MYRIP: variants seen among roughly 807,000 people sequenced by gnomAD.
MYRIP encodes the protein rab effector MyRIP.
MYRIP carries 49 observed loss-of-function variants against 98.0 expected under a neutral mutation model. That is an observed-to-expected ratio of 0.50 (90% CI 0.40 to 0.63). The LOEUF is 0.63. Ranked by LOEUF, MYRIP falls within the 30% of genes least tolerant of loss-of-function variation. MYRIP has a pLI of 0.00. For missense variants in MYRIP, 1,004 were observed against 1,058.2 expected (o/e 0.95, Z 0.71); for synonymous variants, 404 against 409.5 (o/e 0.99, Z 0.16).
At chr3:39,884,809 A>AT (rs67108421) in intron 1 of MYRIP, among the ~76,000 whole-genome samples, 10,745 of 139,192 alleles carry the variant, frequency 0.077, 492 homozygotes, top group South Asian at 0.15. Context: ...AGTCATTATT[A>AT]TTTTTTTTTT....
chr3:40,177,831 C>T (rs1336291121), intron 8 of MYRIP, among the ~76,000 whole-genome samples: 1 of 152,166 alleles, frequency 6.6e-6, no homozygotes, highest in Admixed American at 6.5e-5. Context: ...TGCCCAGTGA[C>T]TAAGGTGAAT....
At chr3:40,085,671 A>C (rs1575526460) in intron 3 of MYRIP, among the ~76,000 whole-genome samples, 1 of 152,328 alleles carries the variant, frequency 6.6e-6, no homozygotes, top group South Asian at 2.1e-4. Flanking sequence ...CAGCCCCAGC[A>C]AGGGAGTACT....
At chr3:40,032,025 T>C (rs1001245437) in intron 2 of MYRIP, among the ~76,000 whole-genome samples, 2 of 152,176 alleles carry the variant, frequency 1.3e-5, no homozygotes, top group African/African-American at 4.8e-5. Context: ...TCATGCCTTC[T>C]GCTAGCTTTT....
intron 2 of MYRIP, among the ~76,000 whole-genome samples, chr3:39,954,677 C>T (rs34875270): frequency 0.11 from 17,065 of 152,112 alleles, 1,013 homozygotes; most frequent in South Asian, 0.13. Flanking sequence ...ATGCTTCTGA[C>T]GAGTTGACAG....
chr3:40,158,489 A>G (rs1203664246), intron 4 of MYRIP, among the ~76,000 whole-genome samples: 1 of 151,866 alleles, frequency 6.6e-6, no homozygotes, highest in Non-Finnish European at 1.5e-5. Flanking sequence ...TGGGGTGGAG[A>G]GTTCTGTAGA....
intron 1 of MYRIP, among the ~76,000 whole-genome samples, chr3:39,848,441 T>G (rs1942036962): frequency 6.6e-6 from 1 of 150,512 alleles, no homozygotes; most frequent in South Asian, 2.1e-4. Context: ...AGTAGGATAT[T>G]AAATAGTTTC....
intron 2 of MYRIP, among the ~76,000 whole-genome samples, chr3:40,032,748 C>A (rs866709822): frequency 6.6e-6 from 1 of 152,058 alleles, no homozygotes; most frequent in South Asian, 2.1e-4. Flanking sequence ...TGATACCAAA[C>A]CCGGGCAGAG....
intron 1 of MYRIP, among the ~76,000 whole-genome samples, chr3:39,885,205 T>C (rs868159821): frequency 1.3e-5 from 2 of 151,990 alleles, no homozygotes; most frequent in African/African-American, 2.4e-5. Context: ...TTTTTCTCTT[T>C]GTCTATTTTT....
At chr3:40,101,331 T>C (rs1233493519) in intron 3 of MYRIP, among the ~76,000 whole-genome samples, 2 of 152,188 alleles carry the variant, frequency 1.3e-5, no homozygotes, top group African/African-American at 2.4e-5. Context: ...TGTGGCTTTT[T>C]CCCCTCTTTG....
intron 1 of MYRIP, among the ~76,000 whole-genome samples, chr3:39,836,299 A>G (rs536403078): frequency 3.9e-5 from 6 of 152,208 alleles, no homozygotes; most frequent in African/African-American, 1.2e-4. Context: ...CTGGCATGAG[A>G]TGGTATCTCA....
rs117233137 is a variant in MYRIP at position 39,972,303 on chromosome 3, C to T, written c.110+71377C>T. On this transcript the variant is annotated intron_variant, in intron 2 of 16. Coordinates refer to ENST00000302541, the MANE Select transcript of MYRIP (RefSeq NM_015460.4). ...GGTAGTTTAGTTCTTATTCAGAGTG[C>T]ACTGACAATGTGATTATTATTAGTA... Among the ~76,000 whole-genome samples, 120 of 152,070 alleles carry T rather than the reference C, an allele frequency of 7.9e-4. 1 individual carries two copies. The East Asian group carries it at 0.021, about 26-fold the overall frequency.
At chr3:40,121,171 G>C (rs1688923674) in intron 3 of MYRIP, among the ~76,000 whole-genome samples, 2 of 152,190 alleles carry the variant, frequency 1.3e-5, no homozygotes, top group Admixed American at 6.5e-5. Flanking sequence ...GGAAGAGGAT[G>C]TGCTGCTGTG....
chr3:40,226,876 C>T (rs558038078), intron 11 of MYRIP, among the ~76,000 whole-genome samples: 2 of 152,304 alleles, frequency 1.3e-5, no homozygotes, highest in Admixed American at 6.5e-5. Context: ...GGCTGGCATT[C>T]GGGGCACTGT....
At chr3:39,839,607 GCTTT>G (rs1463349139) in intron 1 of MYRIP, among the ~76,000 whole-genome samples, 1 of 152,094 alleles carries the variant, frequency 6.6e-6, no homozygotes, top group Non-Finnish European at 1.5e-5. Flanking sequence ...GCTCTTTCCT[GCTTT>G]CTTCTGTGGG....
intron 9 of MYRIP, among the ~76,000 whole-genome samples, chr3:40,184,803 T>G (rs1253539736): frequency 6.6e-6 from 1 of 152,210 alleles, no homozygotes. Context: ...ATAGGTAATT[T>G]TTCAATTGTA....
intron 2 of MYRIP, among the ~76,000 whole-genome samples, chr3:39,975,446 C>T (rs1945722570): frequency 3.3e-5 from 5 of 151,846 alleles, no homozygotes; most frequent in Admixed American, 3.3e-4. Context: ...TAGGAAGAAT[C>T]AATATCGTGA....
intron 2 of MYRIP, among the ~76,000 whole-genome samples, chr3:39,958,192 C>T (rs1294759344): frequency 1.1e-4 from 16 of 151,986 alleles, no homozygotes; most frequent in Admixed American, 5.3e-4. Context: ...AAAGTTCATA[C>T]GGAACCAAAA....
chr3:40,026,129 C>T (rs934764614), intron 2 of MYRIP, among the ~76,000 whole-genome samples: 3 of 152,118 alleles, frequency 2.0e-5, no homozygotes, highest in Non-Finnish European at 4.4e-5. Flanking sequence ...CCAGAGTGGC[C>T]GTTTATAGAC....
At chr3:39,915,677 C>G (rs6774783) in intron 2 of MYRIP, among the ~76,000 whole-genome samples, 66,749 of 151,068 alleles carry the variant, frequency 0.44, 14,961 homozygotes, top group East Asian at 0.54. Context: ...GACATAGACT[C>G]TTAAATTCAT....
Sources: allele counts gnomAD v4.1 joint callset (sites outside exome capture counted in the v4.1 genomes callset), GRCh38; gene constraint gnomAD v4.1.1; transcripts MANE v1.5; gene names NCBI Gene and HGNC (gene_info 2026-07-23, HGNC 2026-07-21).